Variants in EYA2 observed in about 807,000 individuals in gnomAD.
EYA2 encodes the protein EYA transcriptional coactivator and phosphatase 2.
A neutral mutation model predicts 69.2 loss-of-function variants in EYA2; 31 were observed. The observed-to-expected ratio is 0.45, with a 90% CI of 0.34 to 0.60. EYA2 has a LOEUF of 0.60. Ranked by LOEUF, EYA2 falls within the 20% of genes least tolerant of loss-of-function variation. EYA2 has a pLI of 0.02. For missense variants in EYA2, 622 were observed against 701.2 expected (o/e 0.89, Z 1.28); for synonymous variants, 257 against 279.4 (o/e 0.92, Z 0.80).
intron 9 of EYA2, among the ~76,000 whole-genome samples, chr20:47,124,181 GAGGTCC>G (rs2033121651): frequency 6.6e-6 from 1 of 152,190 alleles, no homozygotes; most frequent in Non-Finnish European, 1.5e-5. Flanking sequence ...TCAAGCTGGT[GAGGTCC>G]TGCTCATTTT....
At chr20:46,951,529 G>T (rs1232631015) in intron 1 of EYA2, among the ~76,000 whole-genome samples, 1 of 152,182 alleles carries the variant, frequency 6.6e-6, no homozygotes, top group Admixed American at 6.5e-5. Context: ...AAGCAGAAGA[G>T]TGCCAGTCAC....
At chr20:46,954,534 C>T (rs1978998983) in intron 1 of EYA2, among the ~76,000 whole-genome samples, 1 of 152,256 alleles carries the variant, frequency 6.6e-6, no homozygotes, top group Non-Finnish European at 1.5e-5. Flanking sequence ...CTCCTGGCAG[C>T]TCGCTCTCTT....
chr20:47,136,979 C>T (rs964050208), intron 9 of EYA2, among the ~76,000 whole-genome samples: 5 of 152,210 alleles, frequency 3.3e-5, no homozygotes, highest in Admixed American at 6.5e-5. Flanking sequence ...CGTACCTTCG[C>T]CTCAAGAGAA....
chr20:47,100,170 G>A (rs1026783354), intron 9 of EYA2, among the ~76,000 whole-genome samples: 4 of 152,198 alleles, frequency 2.6e-5, no homozygotes, highest in East Asian at 1.9e-4. Context: ...ACTGGTGGCC[G>A]CTGGCCAAAT....
intron 5 of EYA2, among the ~76,000 whole-genome samples, chr20:47,069,994 C>A (rs1199854159): frequency 6.6e-6 from 1 of 152,080 alleles, no homozygotes; most frequent in Non-Finnish European, 1.5e-5. Context: ...AAGAGCAGTT[C>A]TTTGTGACCT....
chr20:47,116,924 G>C (rs2032910027), intron 9 of EYA2, among the ~76,000 whole-genome samples: 1 of 151,900 alleles, frequency 6.6e-6, no homozygotes, highest in Admixed American at 6.6e-5. Flanking sequence ...GGGCGGTCTG[G>C]CATCACCAGG....
intron 5 of EYA2, among the ~76,000 whole-genome samples, chr20:47,039,835 C>CTAT (rs1984939134): frequency 4.3e-5 from 3 of 69,804 alleles, no homozygotes; most frequent in Admixed American, 2.4e-4. Flanking sequence ...AGATCAAATA[C>CTAT]TTTTTTTTTT....
intron 7 of EYA2, among the ~76,000 whole-genome samples, chr20:47,085,726 C>G (rs187511724): frequency 1.6e-4 from 25 of 151,906 alleles, no homozygotes; most frequent in African/African-American, 6.0e-4. Context: ...CTGACCAAAA[C>G]AAGCCAGAAA....
chr20:46,980,458 A>G (rs911854165), intron 1 of EYA2, among the ~76,000 whole-genome samples: 1 of 152,042 alleles, frequency 6.6e-6, no homozygotes, highest in African/African-American at 2.4e-5. Context: ...TTTTTTTTAC[A>G]ATTTTGTTTA....
intron 10 of EYA2, among the ~76,000 whole-genome samples, chr20:47,157,042 G>A (rs2033966323): frequency 1.3e-5 from 2 of 152,060 alleles, no homozygotes; most frequent in Admixed American, 1.3e-4. Flanking sequence ...TTACTGATCA[G>A]CAACGTGCAA....
chr20:47,073,672 G>C (rs1306360880), intron 6 of EYA2, among the ~76,000 whole-genome samples: 1 of 152,118 alleles, frequency 6.6e-6, no homozygotes, highest in Non-Finnish European at 1.5e-5. Flanking sequence ...TGGACCTCCA[G>C]GTGCCAGCAT....
chr20:47,067,485 G>T (rs1161790870), intron 5 of EYA2, among the ~76,000 whole-genome samples: 1 of 151,368 alleles, frequency 6.6e-6, no homozygotes, highest in Non-Finnish European at 1.5e-5. Flanking sequence ...AATGCTTGAG[G>T]TGATGGATAC....
chr20:47,063,373 TTGTGTGTGTGTGCGTGTGCGTG>T (rs1465745641), intron 5 of EYA2, among the ~76,000 whole-genome samples: 4 of 137,014 alleles, frequency 2.9e-5, no homozygotes, highest in African/African-American at 1.2e-4. Context: ...TTGGGTTTAT[TTGTGTGTGTGTGCGTGTGCGTG>T]TGTGTGTGTG....
intron 7 of EYA2, among the ~76,000 whole-genome samples, chr20:47,083,972 G>A (rs565121606): frequency 1.3e-5 from 2 of 152,152 alleles, no homozygotes; most frequent in Non-Finnish European, 2.9e-5. Context: ...AGGGCCAGGT[G>A]CAGTGGCTCA....
intron 9 of EYA2, among the ~76,000 whole-genome samples, chr20:47,131,255 G>A (rs768754834): frequency 3.9e-5 from 6 of 152,284 alleles, no homozygotes; most frequent in Non-Finnish European, 2.9e-5. Context: ...TTCCTACAGT[G>A]CATTAGAAGA....
At chr20:47,015,486 TG>T (rs1002920193) in intron 4 of EYA2, among the ~76,000 whole-genome samples, 4 of 151,906 alleles carry the variant, frequency 2.6e-5, no homozygotes, top group African/African-American at 4.8e-5. Context: ...AGAGGAAGGG[TG>T]GTTCATTTCA....
chr20:46,900,601 AT>A (rs1449544679), intron 1 of EYA2, among the ~76,000 whole-genome samples: 1 of 152,196 alleles, frequency 6.6e-6, no homozygotes, highest in Non-Finnish European at 1.5e-5. Context: ...CCACACAGTA[AT>A]TGCTTTTACG....
chr20:46,991,520 G>A (rs1293696390), intron 2 of EYA2, among the ~76,000 whole-genome samples: 1 of 152,196 alleles, frequency 6.6e-6, no homozygotes, highest in Non-Finnish European at 1.5e-5. Context: ...AATAACCACA[G>A]TAAATTCAAA....
At chr20:46,902,459 A>G (rs1413275292) in intron 1 of EYA2, among the ~76,000 whole-genome samples, 2 of 152,214 alleles carry the variant, frequency 1.3e-5, no homozygotes, top group Non-Finnish European at 2.9e-5. Flanking sequence ...AGATGTGGAA[A>G]CTGAGTCTGG....
Sources: gnomAD v4.1 joint callset for allele counts (sites outside exome capture counted in the v4.1 genomes callset) on GRCh38, gnomAD v4.1.1 for gene constraint, MANE v1.5 for transcripts, NCBI Gene and HGNC (gene_info 2026-07-23, HGNC 2026-07-21) for gene names.